TPPP2: variants seen among roughly 807,000 people sequenced by gnomAD.
The protein encoded by TPPP2 is tubulin polymerization-promoting protein family member 2.
A neutral mutation model predicts 13.0 loss-of-function variants in TPPP2; 8 were observed. The ratio of observed to expected loss-of-function variants is 0.62; its 90% CI spans 0.36 to 1.11. The LOEUF is 1.11. TPPP2 is among the 50% of genes most tolerant of loss of function. The probability of loss-of-function intolerance (pLI) is 0.02; values close to 1 mark genes in which losing one functional copy is unlikely to be tolerated. For missense variants in TPPP2, 213 were observed against 216.9 expected (o/e 0.98, Z 0.11); for synonymous variants, 81 against 81.8 (o/e 0.99, Z 0.05).
upstream of TPPP2, chr14:21,025,322 G>A: frequency 1.0e-6 from 1 of 974,842 alleles, no homozygotes; most frequent in Non-Finnish European, 1.2e-6. The surrounding 1 kb of genome is among the most constrained non-coding windows in gnomAD (Gnocchi z 5.1). Context: ...TTGGGGCGGT[G>A]TGGGGAGTGC....
At position 21,031,060 on chromosome 14, in the gene TPPP2, G is replaced by T; in HGVS notation, c.222G>T (p.Val74=). Residue 74 remains valine, a synonymous_variant, in exon 3 of 4, where the codon GTG becomes GTT. Coordinates refer to ENST00000321760, the MANE Select transcript of TPPP2 (RefSeq NM_173846.5). ...CGTTTCAACAGTTCAAAGAGGCAGT[G>T]AAGGAACTGGGCCAGAAGCGCTTCA... ...TITFQQFKEA[V]KELGQKRFKG... 1.2e-6 allele frequency: 2 copies of T among 1,614,138 alleles called. No homozygotes were observed. Among genetic ancestry groups the T allele is most frequent in the Non-Finnish European group, 8.5e-7 (1 of 1,180,022 alleles).
chr14:21,034,085 G>A, downstream of TPPP2: 1 of 1,614,152 alleles, frequency 6.2e-7, no homozygotes, highest in Non-Finnish European at 8.5e-7. Flanking sequence ...GGATCTTTGG[G>A]CAATCTGAAT....
intron 1 of TPPP2, chr14:21,024,402 G>A: frequency 1.1e-6 from 1 of 898,018 alleles, no homozygotes; most frequent in African/African-American, 1.8e-5. Context: ...GCCACTCCCA[G>A]TGTGACCTTG....
chr14:21,034,344 G>C, downstream of TPPP2: 1 of 1,301,166 alleles, frequency 7.7e-7, no homozygotes, highest in Non-Finnish European at 1.1e-6. Context: ...TGAAGTGGCT[G>C]TCTGCCACAT....
downstream of TPPP2, chr14:21,033,732 G>A (rs748907411): frequency 1.5e-5 from 15 of 974,178 alleles, no homozygotes; most frequent in East Asian, 3.4e-4. Context: ...TCGTAAGTCA[G>A]GAAGGAAGTC....
At chr14:21,025,766 G>A, upstream of TPPP2, 1 of 918,674 alleles carries the variant, frequency 1.1e-6, no homozygotes, top group Non-Finnish European at 1.3e-6. This position sits in a 1 kb window ranked among gnomAD's most constrained non-coding sequence, Gnocchi z 5.1. Flanking sequence ...GGCGGGGAAT[G>A]CGGGGGGCCG....
chr14:21,030,811 AC>A, intron 2 of TPPP2, 57 bp downstream of exon 2: 1 of 1,590,954 alleles, frequency 6.3e-7, no homozygotes, highest in Non-Finnish European at 8.6e-7. Context: ...GTAGTTGGCC[AC>A]GGAAGGGTTC....
chr14:21,033,288 T>G, downstream of TPPP2: 1 of 311,130 alleles, frequency 3.2e-6, no homozygotes, highest in Non-Finnish European at 6.2e-6. Context: ...AAACTGGGGG[T>G]TGTGGGGAAG....
rs1884124556 is a variant in TPPP2 at position 21,031,405 on chromosome 14, C to A, written c.327+240C>A. ...AATTTCCAAGTGTCTAGTATCTGAG[C>A]CAGGCAATTAGGGCTTGGTAGCTTT... On this transcript the variant is annotated intron_variant, in intron 3 of 3. Transcript: ENST00000321760. 5 of 505,894 alleles carry A rather than the reference C, an allele frequency of 9.9e-6. No homozygotes were observed. In the South Asian group the frequency reaches 2.4e-4, roughly 24 times the overall value. The allele number at this position is 505,894 out of a possible 1,614,324, so 31.3% of individuals were successfully genotyped here.
Position 21,032,612 on chromosome 14 carries a change from G to T in TPPP2, c.*535G>T, listed in dbSNP as rs1272128648. The stretch of plus-strand genomic sequence containing the variant: ...ATTACAAATTTGTTCCAGAGCTGGG[G>T]TAAGGGGAGAGTCTATTTTCAACAC... On this transcript the variant is annotated 3_prime_UTR_variant, in exon 4 of 4. Coordinates refer to ENST00000321760, the MANE Select transcript of TPPP2 (RefSeq NM_173846.5). 8.7e-6 allele frequency: 3 copies of T among 345,194 alleles called. No homozygotes were observed. The highest frequency in any genetic ancestry group is 1.7e-5 in the Non-Finnish European group (3 of 177,704). The allele number at this position is 345,194 out of a possible 1,614,324, so 21.4% of individuals were successfully genotyped here.
At chr14:21,031,310 G>A in intron 3 of TPPP2, 145 bp downstream of exon 3, 2 of 1,117,618 alleles carry the variant, frequency 1.8e-6, no homozygotes, top group Non-Finnish European at 2.4e-6. Flanking sequence ...CAGAAGTCAG[G>A]AAAATGTGGC....
intron 1 of TPPP2, chr14:21,024,554 A>G: frequency 7.1e-6 from 7 of 985,462 alleles, no homozygotes; most frequent in Non-Finnish European, 7.2e-6. Flanking sequence ...CCACAATTTA[A>G]AAACAAACAC....
upstream of TPPP2, among the ~76,000 whole-genome samples, chr14:21,026,310 T>C (rs1003460907): frequency 1.4e-5 from 2 of 143,120 alleles, no homozygotes; most frequent in African/African-American, 2.6e-5. Flanking sequence ...GCCCCCCTTG[T>C]AGCTCCCCCA....
At chr14:21,024,947 G>C in intron 1 of TPPP2, 2 of 985,622 alleles carry the variant, frequency 2.0e-6, no homozygotes, top group Non-Finnish European at 2.4e-6. Flanking sequence ...CCAGCTCCAG[G>C]GGACGCGGAT....
downstream of TPPP2, chr14:21,034,311 G>C (rs745587296): frequency 3.2e-5 from 51 of 1,579,492 alleles, no homozygotes; most frequent in Middle Eastern, 1.9e-4. Context: ...TAGAGTTAAG[G>C]TGGTTGGGGG....
upstream of TPPP2, among the ~76,000 whole-genome samples, chr14:21,029,513 C>T (rs935789122): frequency 1.3e-5 from 2 of 152,206 alleles, no homozygotes; most frequent in Non-Finnish European, 2.9e-5. Context: ...ATGAGAGTCG[C>T]TTGAATCCTG....
chr14:21,030,784 T>C, intron 2 of TPPP2, 30 bp downstream of exon 2: 1 of 1,608,940 alleles, frequency 6.2e-7, no homozygotes, highest in Non-Finnish European at 8.5e-7. Flanking sequence ...GAGGTGGGGG[T>C]GAGAAGAACC....
chr14:21,025,358 T>TC, upstream of TPPP2: 1 of 984,988 alleles, frequency 1.0e-6, no homozygotes, highest in Non-Finnish European at 1.2e-6. This position sits in a 1 kb window ranked among gnomAD's most constrained non-coding sequence, Gnocchi z 5.1. Flanking sequence ...CTGAGAGGGA[T>TC]CCCTCGGCTG....
At chr14:21,035,851 C>G, downstream of TPPP2, 1 of 456,182 alleles carries the variant, frequency 2.2e-6, no homozygotes, top group Non-Finnish European at 4.4e-6. Flanking sequence ...TCCACCTCCC[C>G]AATCCCAGCT....
Sources: allele counts gnomAD v4.1 joint callset (sites outside exome capture counted in the v4.1 genomes callset), GRCh38; gene constraint gnomAD v4.1.1; non-coding constraint Gnocchi (gnomAD v3.1); transcripts MANE v1.5; gene names NCBI Gene and HGNC (gene_info 2026-07-23, HGNC 2026-07-21).